Variants in MKNK1 observed in about 807,000 individuals in gnomAD.
MKNK1 encodes MAPK interacting serine/threonine kinase 1.
A neutral mutation model predicts 49.3 loss-of-function variants in MKNK1; 30 were observed. That is an observed-to-expected ratio of 0.61 (90% CI 0.46 to 0.83). The LOEUF (loss-of-function observed/expected upper bound fraction) is 0.83, where lower values mean the gene tolerates loss of function less well. Among genes scored for constraint, MKNK1 ranks in the 40% least tolerant of loss-of-function variants. MKNK1 has a pLI of 0.00. For missense variants in MKNK1, 423 were observed against 524.7 expected, an observed-to-expected ratio of 0.81 and a Z score of 1.89; for synonymous variants, 176 against 201.7, an observed-to-expected ratio of 0.87 and a Z score of 1.08.
chr1:46,585,128 T>C (rs1672327722), intron 2 of MKNK1, among the ~76,000 whole-genome samples: 1 of 151,058 alleles, frequency 6.6e-6, no homozygotes, highest in Admixed American at 6.6e-5. Flanking sequence ...CGGGTGCCTG[T>C]AGTGCCAGCT....
chr1:46,558,453 A>G lies in MKNK1; in HGVS notation c.*122T>C, dbSNP rs1392795788. The G allele has an allele frequency of 1.9e-6, 2 of 1,038,886 alleles. No individual in the cohort carries two copies. The highest frequency in any genetic ancestry group is 2.7e-6 in the Non-Finnish European group (2 of 737,782). 64.4% of individuals were successfully genotyped at this position (1,038,886 alleles called of 1,614,324 possible). A position where few individuals can be genotyped will look rare whatever the true frequency, so the allele number is the denominator to read the frequency against. ...GGGAACCTCAGGGCCTTCGTAGATG[A>G]AAAAGCCTGAATGGAGCCACAGAGC... On this transcript the variant is annotated 3_prime_UTR_variant, in exon 13 of 13. Transcript: ENST00000371945.
chr1:46,585,594 TC>T (rs2148715780), intron 2 of MKNK1: 1 of 331,544 alleles, frequency 3.0e-6, no homozygotes, highest in South Asian at 2.5e-5. Flanking sequence ...CAGCTCTTTC[TC>T]CTTCCCCTGT....
chr1:46,594,262 C>T lies in MKNK1; in HGVS notation c.-152G>A, dbSNP rs1258021. 1,338 of 802,962 alleles carry T rather than the reference C, an allele frequency of 1.7e-3. 6 individuals carry two copies. The highest frequency in any genetic ancestry group is 8.8e-3 in the African/African-American group (526 of 59,590). 49.7% of individuals were successfully genotyped at this position (802,962 alleles called of 1,614,324 possible). On this transcript the variant is annotated 5_prime_UTR_variant, in exon 2 of 13. Transcript: ENST00000371945. ...TAGGTGGCAATCTTCAGTTCTCCAT[C>T]GGCCTCTGACATGGAAACCTTGAAA...
chr1:46,571,912 C>G, intron 7 of MKNK1, 151 bp downstream of exon 7: 1 of 674,446 alleles, frequency 1.5e-6, no homozygotes, highest in Non-Finnish European at 2.6e-6. Flanking sequence ...ACTGTTTCTC[C>G]CTCAACTCCC....
rs1280149165 is a variant in MKNK1, at chr1:46,583,418, G to A, written c.-2-89C>T. 3 of 907,238 alleles carry A rather than the reference G, an allele frequency of 3.3e-6. No individual in the cohort carries two copies. The African/African-American group carries it at 5.0e-5, about 15-fold the overall frequency. The allele number at this position is 907,238 out of a possible 1,614,324, so 56.2% of individuals were successfully genotyped here. ...GAAGGAAAAAAAAAAGGTAGTGGGG[G>A]AGGACCCAGGAGGTTTACACTGATG... is the stretch of plus-strand genomic sequence containing the variant. On this transcript the variant is annotated intron_variant, in intron 2 of 12. Coordinates refer to ENST00000371945, the MANE Select transcript of MKNK1 (RefSeq NM_001135553.4).
intron 2 of MKNK1, among the ~76,000 whole-genome samples, chr1:46,585,317 A>T (rs1672394078): frequency 1.5e-5 from 2 of 131,354 alleles, no homozygotes; most frequent in African/African-American, 2.7e-5. Flanking sequence ...GCACCTCAAC[A>T]CCCACCCTCA....
intron 2 of MKNK1, 34 bp downstream of exon 2, chr1:46,594,079 T>G (rs1331265422): frequency 6.6e-7 from 1 of 1,525,844 alleles, no homozygotes; most frequent in East Asian, 2.3e-5. Context: ...TGAAGTAATC[T>G]AAAAGGATAA....
intron 9 of MKNK1, 46 bp from the exon 10 acceptor site, chr1:46,562,889 G>C (rs761213398): frequency 2.5e-5 from 38 of 1,501,768 alleles, no homozygotes; most frequent in Non-Finnish European, 3.2e-5. Context: ...AGAGAACAGA[G>C]AGGCTTAGTT....
rs1251975564 is a variant in MKNK1 at position 46,558,421 on chromosome 1, G to T, written c.*154C>A. 3 of 722,862 alleles carry T rather than the reference G, an allele frequency of 4.2e-6. No individual in the cohort carries two copies. Among genetic ancestry groups the T allele is most frequent in the East Asian group, 2.9e-5 (1 of 34,576 alleles). 44.8% of individuals were successfully genotyped at this position (722,862 alleles called of 1,614,324 possible). A position where few individuals can be genotyped will look rare whatever the true frequency, so the allele number is the denominator to read the frequency against. On this transcript the variant is annotated 3_prime_UTR_variant, in exon 13 of 13. Coordinates refer to ENST00000371945, the MANE Select transcript of MKNK1 (RefSeq NM_001135553.4). ...TCCTCCAGGACCCTAGGGAAATGGG[G>T]GTTGATGGGAACCTCAGGGCCTTCG...
intron 7 of MKNK1, among the ~76,000 whole-genome samples, chr1:46,571,213 T>C (rs1476156278): frequency 6.6e-6 from 1 of 152,200 alleles, no homozygotes; most frequent in Non-Finnish European, 1.5e-5. Context: ...GAGTTACCAA[T>C]GTGCTTTTCA....
chr1:46,576,760 T>G, intron 4 of MKNK1, 106 bp from the exon 5 acceptor site: 1 of 960,672 alleles, frequency 1.0e-6, no homozygotes, highest in Non-Finnish European at 1.7e-6. Context: ...CCAAATCCAG[T>G]GTCCAGCAGA....
At chr1:46,569,122 C>T (rs918575569) in intron 7 of MKNK1, 4 of 152,478 alleles carry the variant, frequency 2.6e-5, no homozygotes, top group Non-Finnish European at 4.4e-5. Flanking sequence ...GATGGAGTCT[C>T]GCTATAGCCA....
At chr1:46,584,992 T>G (rs1421091508) in intron 2 of MKNK1, among the ~76,000 whole-genome samples, 2 of 152,102 alleles carry the variant, frequency 1.3e-5, no homozygotes, top group Admixed American at 1.3e-4. Context: ...GGCTCACGCC[T>G]GTAATCCCAG....
rs775553250 is a variant in MKNK1 at position 46,562,708 on chromosome 1, C to A, written c.745G>T (p.Val249Leu). Residue 249 changes from valine to leucine, a missense_variant, in exon 10 of 13, where the codon GTG becomes TTG. Val to Leu is a conservative substitution (Grantham distance 32). Transcript: ENST00000371945. The part of the protein sequence containing the change: ...YIMLSGYPPF[V>L]GHCGADCGWD... ...CCACAGTCGGCCCCGCAGTGACCCA[C>A]GAAGGGTGGGTAGCCACTCAGCATG... 6.3e-7 allele frequency: 1 copy of A among 1,582,478 alleles called. No individual in the cohort carries two copies. Among genetic ancestry groups the A allele is most frequent in the Non-Finnish European group, 8.6e-7 (1 of 1,163,050 alleles).
Position 46,558,467 on chromosome 1 carries a change from G to C in MKNK1, c.*108C>G. On this transcript the variant is annotated 3_prime_UTR_variant, in exon 13 of 13. Transcript: ENST00000371945. ...CTTCGTAGATGAAAAAGCCTGAATG[G>C]AGCCACAGAGCAGAGGCTGCTGCCT... 1 of 1,135,646 alleles carries C rather than the reference G, an allele frequency of 8.8e-7. No homozygotes were observed. Among genetic ancestry groups the C allele is most frequent in the Non-Finnish European group, 1.2e-6 (1 of 818,702 alleles). The allele number at this position is 1,135,646 out of a possible 1,614,324, so 70.3% of individuals were successfully genotyped here. A position where few individuals can be genotyped will look rare whatever the true frequency, so the allele number is the denominator to read the frequency against.
At chr1:46,562,395 CAAAAAAAAAAA>C (rs66491559) in intron 10 of MKNK1, among the ~76,000 whole-genome samples, 5 of 34,326 alleles carry the variant, frequency 1.5e-4, no homozygotes, top group Non-Finnish European at 2.5e-4. Context: ...GACTCCATCT[CAAAAAAAAAAA>C]AAAAAAAAAA....
chr1:46,580,709 C>A, intron 3 of MKNK1, 82 bp from the exon 4 acceptor site: 1 of 942,174 alleles, frequency 1.1e-6, no homozygotes. Context: ...TGTGGCTCAG[C>A]TTCCCTGATC....
At chr1:46,583,121 T>A (rs537446059) in intron 3 of MKNK1, 107 bp downstream of exon 3, 11 of 832,002 alleles carry the variant, frequency 1.3e-5, no homozygotes, top group South Asian at 2.9e-5. Context: ...ATAACCACCA[T>A]CTGGCTCTAA....
At chr1:46,560,398 ATGCT>A (rs1451142557) in intron 11 of MKNK1, 121 bp from the exon 12 acceptor site, 2 of 1,069,806 alleles carry the variant, frequency 1.9e-6, no homozygotes, top group Non-Finnish European at 2.8e-6. Context: ...GGAAATGGCT[ATGCT>A]TGCTTGCAGG....
Sources: gnomAD v4.1 joint callset for allele counts (sites outside exome capture counted in the v4.1 genomes callset) on GRCh38, gnomAD v4.1.1 for gene constraint, MANE v1.5 for transcripts, NCBI Gene and HGNC (gene_info 2026-07-23, HGNC 2026-07-21) for gene names.